Variants in SLC35D1 observed in about 807,000 individuals in gnomAD.
SLC35D1 encodes the protein nucleotide sugar transporter SLC35D1.
In SLC35D1, 31 loss-of-function variants were observed where a neutral mutation model predicts 46.7. That is an observed-to-expected ratio of 0.66 (90% CI 0.50 to 0.90). The LOEUF (loss-of-function observed/expected upper bound fraction) is 0.90. SLC35D1 is among the 40% of genes least tolerant of loss of function. SLC35D1 has a pLI of 0.00. For synonymous variants in SLC35D1, 195 were observed against 164.6 expected (o/e 1.18, Z -1.41); for missense variants, 397 against 426.2 (o/e 0.93, Z 0.60).
Position 67,053,867 on chromosome 1 carries a change from G to T in SLC35D1, c.147C>A (p.Tyr49Ter). Reference sequence around the variant, plus strand: ...CCACGATCAGGAAGGAGCTCACGCCGTAAAAGCCGGCGGCCAGCAGCTTCA... The same window carrying T: ...CCACGATCAGGAAGGAGCTCACGCCTTAAAAGCCGGCGGCCAGCAGCTTCA... ...VFLKLLAAGF[Y>*]GVSSFLIVVV... The change falls in exon 1 of 12, where the codon TAC becomes TAA. Residue 49 changes from tyrosine to a stop codon, truncating the protein, a stop_gained. Transcript: ENST00000235345. LOFTEE classifies it high-confidence loss of function. 1 of 1,613,566 alleles carries T rather than the reference G, an allele frequency of 6.2e-7. No individual in the cohort carries two copies. Among genetic ancestry groups the T allele is most frequent in the Non-Finnish European group, 8.5e-7 (1 of 1,179,634 alleles).
intron 7 of SLC35D1, among the ~76,000 whole-genome samples, chr1:67,043,195 C>CA (rs55933027): frequency 0.56 from 80,037 of 142,168 alleles, 22,802 homozygotes; most frequent in South Asian, 0.68. Context: ...CACTCCATCT[C>CA]AAAAAAAAAA....
intron 11 of SLC35D1, chr1:67,008,538 C>T: frequency 6.6e-6 from 7 of 1,056,206 alleles, no homozygotes; most frequent in Non-Finnish European, 7.5e-6. Context: ...ACGTGCCGAA[C>T]TGCTTCCAAA....
chr1:66,999,605 AT>A lies in SLC35D1; in HGVS notation c.*4734del, dbSNP rs930077786. 7.2e-5 allele frequency: 11 copies of A among 152,350 alleles called. No individual in the cohort carries two copies. Among genetic ancestry groups the A allele is most frequent in the Non-Finnish European group, 1.2e-4 (8 of 68,052 alleles). The allele number at this position is 152,350 out of a possible 1,614,324, so 9.4% of individuals were successfully genotyped here. ...GAGAAAGAAAACATTTGTGAAAAAA[AT>A]AATCTCTAAAAACATTTTTGTGAGA... On this transcript the variant is annotated 3_prime_UTR_variant, in exon 12 of 12. Coordinates refer to ENST00000235345, the MANE Select transcript of SLC35D1 (RefSeq NM_015139.3).
intron 8 of SLC35D1, among the ~76,000 whole-genome samples, chr1:67,032,452 A>G (rs1405062276): frequency 6.6e-6 from 1 of 152,052 alleles, no homozygotes; most frequent in Non-Finnish European, 1.5e-5. Flanking sequence ...AGGCCGAAGT[A>G]GGCGGATCAC....
intron 3 of SLC35D1, 134 bp downstream of exon 3, chr1:67,052,637 T>C: frequency 1.2e-6 from 1 of 807,560 alleles, no homozygotes; most frequent in Non-Finnish European, 2.0e-6. Flanking sequence ...ACTTTTATTC[T>C]TTACATTCAT....
At chr1:67,050,681 A>G (rs1322001224) in intron 4 of SLC35D1, among the ~76,000 whole-genome samples, 177 bp from the exon 5 acceptor site, 2 of 152,204 alleles carry the variant, frequency 1.3e-5, no homozygotes, top group Non-Finnish European at 2.9e-5. Context: ...AAAGCCTACA[A>G]CAGTTGCTTT....
In SLC35D1 at chr1:67,045,282, A is replaced by G. The variant is rs544363753; in HGVS notation, c.636+1983T>C. ...TGACTGAAACTAGATTTAGGGCATC[A>G]TCATAAACATGTATTATTACATCTT... On this transcript the variant is annotated intron_variant, in intron 7 of 11. Coordinates refer to ENST00000235345, the MANE Select transcript of SLC35D1 (RefSeq NM_015139.3). 8.1e-4 allele frequency among the ~76,000 whole-genome samples: 124 copies of G among 152,376 alleles called. 3 individuals are homozygous for G. The highest frequency in any genetic ancestry group is 1.9e-4 in the East Asian group (1 of 5,192).
At chr1:66,986,634 A>AC in the SLC35D1 span, 2 of 598,040 alleles carry the variant, frequency 3.3e-6, no homozygotes, top group East Asian at 5.5e-5. Flanking sequence ...TTTTTCCCAA[A>AC]CAGTGTTAAA....
chr1:66,986,235 T>G, the SLC35D1 span: 4 of 1,322,664 alleles, frequency 3.0e-6, no homozygotes. Flanking sequence ...CAATAATCAT[T>G]GCTCTGTGTG....
intron 8 of SLC35D1, among the ~76,000 whole-genome samples, chr1:67,041,080 T>A (rs1254241415): frequency 6.6e-6 from 1 of 152,224 alleles, no homozygotes; most frequent in Non-Finnish European, 1.5e-5. Context: ...AATTAAAATT[T>A]TCTTGACTGT....
intron 11 of SLC35D1, among the ~76,000 whole-genome samples, chr1:67,005,692 C>T (rs1480907305): frequency 6.6e-6 from 1 of 152,104 alleles, no homozygotes; most frequent in East Asian, 1.9e-4. Context: ...TGAGGAAAGT[C>T]CCAGAGTCAT....
rs1039700250 is a variant in SLC35D1, at chr1:66,999,959, T to C, written c.*4381A>G. On this transcript the variant is annotated 3_prime_UTR_variant, in exon 12 of 12. Transcript: ENST00000235345. ...GAATTGACATTCTAAAATGTAACTA[T>C]GTTTCTTTAAGATAGAAAATAATTT... 2 of 152,156 alleles carry C rather than the reference T, an allele frequency of 1.3e-5. No individual in the cohort carries two copies. Among genetic ancestry groups the C allele is most frequent in the African/African-American group, 4.8e-5 (2 of 41,428 alleles). The allele number at this position is 152,156 out of a possible 1,614,324, so 9.4% of individuals were successfully genotyped here.
chr1:66,997,821 T>G (rs890081346), downstream of SLC35D1, among the ~76,000 whole-genome samples: 16 of 147,890 alleles, frequency 1.1e-4, no homozygotes, highest in Non-Finnish European at 1.9e-4. Flanking sequence ...TATATGTTAC[T>G]GTTAAAAAAA....
the SLC35D1 span, chr1:66,976,658 T>C: frequency 6.2e-7 from 1 of 1,608,150 alleles, no homozygotes. Context: ...ATCTGAACGT[T>C]ATGATTTCTT....
Position 67,032,055 on chromosome 1 carries a change from C to T in SLC35D1, c.729+10181G>A, listed in dbSNP as rs796838019. 2.7e-5 allele frequency: 27 copies of T among 985,390 alleles called. No homozygotes were observed. In the African/African-American group the frequency reaches 4.5e-4, roughly 17 times the overall value. 61.0% of individuals were successfully genotyped at this position (985,390 alleles called of 1,614,324 possible). A position where few individuals can be genotyped will look rare whatever the true frequency, so the allele number is the denominator to read the frequency against. On this transcript the variant is annotated intron_variant, in intron 8 of 11. Transcript: ENST00000235345. ...ATTCTGTGTGTGACACAGAACTAAA[C>T]AGGCTCTCTGCCACAAGGCCTGGAA...
chr1:67,051,211 G>A (rs554451783), intron 4 of SLC35D1, among the ~76,000 whole-genome samples: 10 of 152,142 alleles, frequency 6.6e-5, no homozygotes, highest in African/African-American at 1.2e-4. Context: ...ATATCATCTC[G>A]GTCATTCTGT....
intron 8 of SLC35D1, chr1:67,032,066 C>T (rs982274947): frequency 4.7e-5 from 46 of 985,254 alleles, no homozygotes; most frequent in Admixed American, 6.1e-5. Flanking sequence ...AGGCTCTCTG[C>T]CACAAGGCCT....
intron 8 of SLC35D1, among the ~76,000 whole-genome samples, chr1:67,037,274 G>T (rs986950733): frequency 6.6e-6 from 1 of 151,970 alleles, no homozygotes; most frequent in Non-Finnish European, 1.5e-5. Context: ...AAAACTTTTA[G>T]TTAAATAAAA....
At chr1:66,997,123 A>G (rs1667246172), downstream of SLC35D1, among the ~76,000 whole-genome samples, 1 of 152,182 alleles carries the variant, frequency 6.6e-6, no homozygotes, top group Non-Finnish European at 1.5e-5. Flanking sequence ...CTACATACAA[A>G]TTTAGAACTT....
Sources: allele counts gnomAD v4.1 joint callset (sites outside exome capture counted in the v4.1 genomes callset), GRCh38; gene constraint gnomAD v4.1.1; transcripts MANE v1.5; gene names NCBI Gene and HGNC (gene_info 2026-07-23, HGNC 2026-07-21).